GFPT2: variants seen among roughly 807,000 people sequenced by gnomAD.
GFPT2 encodes the protein glutamine--fructose-6-phosphate aminotransferase [isomerizing] 2.
A neutral mutation model predicts 85.6 loss-of-function variants in GFPT2; 62 were observed. The observed-to-expected ratio is 0.72, with a 90% CI of 0.59 to 0.90. The LOEUF is 0.90. Among genes scored for constraint, GFPT2 ranks in the 40% least tolerant of loss-of-function variants. GFPT2 has a pLI of 0.00. For missense variants in GFPT2, 788 were observed against 893.4 expected, an observed-to-expected ratio of 0.88 and a Z score of 1.50; for synonymous variants, 368 against 344.5, an observed-to-expected ratio of 1.07 and a Z score of -0.75.
chr5:180,328,600 G>T lies in GFPT2; in HGVS notation c.535-262C>A, dbSNP rs573556000. On this transcript the variant is annotated intron_variant, in intron 6 of 18. Coordinates refer to ENST00000253778, the MANE Select transcript of GFPT2 (RefSeq NM_005110.4). This position sits in a 1 kb window ranked among gnomAD's most constrained non-coding sequence, Gnocchi z 5.4. ...GCTTGCCCAGGCCCACAGGGAGCCC[G>T]GCAGGGGTGCCAGCTGGGTAGACGG... Among the ~76,000 whole-genome samples, 1 of 152,230 alleles carries T rather than the reference G, an allele frequency of 6.6e-6. No individual in the cohort carries two copies. The highest frequency in any genetic ancestry group is 2.4e-5 in the African/African-American group (1 of 41,460).
rs1763671063 is a variant in GFPT2 at position 180,301,504 on chromosome 5, C to T, written c.*60G>A. The T allele has an allele frequency of 2.2e-6, 3 of 1,344,236 alleles. No individual in the cohort carries two copies. Among genetic ancestry groups the T allele is most frequent in the Non-Finnish European group, 3.2e-6 (3 of 933,362 alleles). 83.3% of individuals were successfully genotyped at this position (1,344,236 alleles called of 1,614,324 possible). A position where few individuals can be genotyped will look rare whatever the true frequency, so the allele number is the denominator to read the frequency against. ...CTTCTCTTCCCATGTAGCATCCCTGCTGTTGGGACAGGTCTGGAATCAGAT... is the reference window on the plus strand; with the variant it reads ...CTTCTCTTCCCATGTAGCATCCCTGTTGTTGGGACAGGTCTGGAATCAGAT... On this transcript the variant is annotated 3_prime_UTR_variant, in exon 19 of 19. Coordinates refer to ENST00000253778, the MANE Select transcript of GFPT2 (RefSeq NM_005110.4).
At chr5:180,340,057 T>C (rs796607005) in intron 1 of GFPT2, among the ~76,000 whole-genome samples, 4 of 152,344 alleles carry the variant, frequency 2.6e-5, no homozygotes, top group African/African-American at 7.2e-5. Flanking sequence ...ATTCTCACAG[T>C]TCTGGAGGCC....
rs1409995216 is a variant in GFPT2, at chr5:180,301,364, C to A, written c.*200G>T. ...GTGTAAACAATGATTCCCTTCTCCT[C>A]TGGCGACTTCAGGACACAGAGAAAC... On this transcript the variant is annotated 3_prime_UTR_variant, in exon 19 of 19. Transcript: ENST00000253778. 1 of 610,048 alleles carries A rather than the reference C, an allele frequency of 1.6e-6. No individual in the cohort carries two copies. Among genetic ancestry groups the A allele is most frequent in the Non-Finnish European group, 2.9e-6 (1 of 339,274 alleles). The allele number at this position is 610,048 out of a possible 1,614,324, so 37.8% of individuals were successfully genotyped here. A position where few individuals can be genotyped will look rare whatever the true frequency, so the allele number is the denominator to read the frequency against.
intron 1 of GFPT2, chr5:180,352,829 C>A (rs1471273191): frequency 3.8e-5 from 13 of 345,430 alleles, no homozygotes; most frequent in Non-Finnish European, 5.3e-6. Flanking sequence ...TGCGCGTGGC[C>A]GCCTTTGTGG....
At chr5:180,303,478 A>G (rs2892152) in intron 17 of GFPT2, among the ~76,000 whole-genome samples, 26,764 of 152,212 alleles carry the variant, frequency 0.18, 2,962 homozygotes, top group Non-Finnish European at 0.25. Flanking sequence ...GCAGAAGGAA[A>G]GCTGGAGTGC....
At chr5:180,322,892 C>T (rs1158304570) in intron 9 of GFPT2, among the ~76,000 whole-genome samples, 9 of 151,928 alleles carry the variant, frequency 5.9e-5, no homozygotes, top group African/African-American at 1.2e-4. Flanking sequence ...AAAAATTAGC[C>T]GGGCGTGGTG....
chr5:180,332,882 T>G (rs548632625), intron 4 of GFPT2, among the ~76,000 whole-genome samples: 4 of 152,230 alleles, frequency 2.6e-5, no homozygotes, highest in Admixed American at 2.0e-4. Flanking sequence ...CCAACTCAAG[T>G]TTTCCTTCAG....
chr5:180,312,938 G>A (rs543393130), intron 14 of GFPT2, among the ~76,000 whole-genome samples: 1 of 151,796 alleles, frequency 6.6e-6, no homozygotes, highest in Non-Finnish European at 1.5e-5. Flanking sequence ...CACCACACCC[G>A]ACTAATTTTT....
At position 180,302,554 on chromosome 5, in the gene GFPT2, C is replaced by T. The variant is rs1210992964; in HGVS notation, c.1873G>A (p.Asp625Asn). ...GRPIILCSKD[D>N]TESSKFAYKT... ...TACGCAAACTTGGAACTTTCAGTAT[C>T]GTCCTTGGAGCACAGTATAATGGGG... The change falls in exon 18 of 19, where the codon GAT (aspartate) becomes AAT (asparagine). Residue 625 changes from aspartate to asparagine, a missense_variant. Transcript: ENST00000253778. 3.7e-6 allele frequency: 6 copies of T among 1,613,752 alleles called. No homozygotes were observed. The highest frequency in any genetic ancestry group is 4.5e-5 in the East Asian group (2 of 44,876).
intron 9 of GFPT2, among the ~76,000 whole-genome samples, chr5:180,320,694 G>C (rs1764101189): frequency 6.6e-6 from 1 of 152,188 alleles, no homozygotes; most frequent in African/African-American, 2.4e-5. Context: ...TTGAACCCAG[G>C]AGGCGGAGGC....
At chr5:180,311,933 A>C (rs1422442147) in intron 15 of GFPT2, among the ~76,000 whole-genome samples, 1 of 150,420 alleles carries the variant, frequency 6.6e-6, no homozygotes, top group Admixed American at 6.7e-5. Context: ...GCGGTGAGAA[A>C]GCACTGAGCA....
At chr5:180,316,061 G>A (rs1764000116) in intron 13 of GFPT2, among the ~76,000 whole-genome samples, 1 of 152,210 alleles carries the variant, frequency 6.6e-6, no homozygotes. Context: ...TCTTGGATAG[G>A]CAAGAAGAGG....
At chr5:180,338,405 G>C in intron 2 of GFPT2, 88 bp downstream of exon 2, 1 of 548,522 alleles carries the variant, frequency 1.8e-6, no homozygotes, top group African/African-American at 1.9e-5. Flanking sequence ...AAAATGCCCT[G>C]GTTGTAAACC....
intron 1 of GFPT2, among the ~76,000 whole-genome samples, chr5:180,352,221 C>A (rs1764723686): frequency 6.6e-6 from 1 of 151,694 alleles, no homozygotes; most frequent in Admixed American, 6.6e-5. Flanking sequence ...GGGCTCACCG[C>A]GGGCGCACCC....
At chr5:180,352,939 G>A in intron 1 of GFPT2, 1 of 426,548 alleles carries the variant, frequency 2.3e-6, no homozygotes, top group South Asian at 4.9e-5. Flanking sequence ...CCTCCCCTCC[G>A]TGGGGACCGG....
intron 15 of GFPT2, among the ~76,000 whole-genome samples, chr5:180,312,115 CA>C (rs1200866332): frequency 3.9e-5 from 4 of 102,114 alleles, no homozygotes; most frequent in African/African-American, 3.9e-5. Flanking sequence ...ACCAGGGAGG[CA>C]GGGAGGCGGG....
intron 7 of GFPT2, among the ~76,000 whole-genome samples, chr5:180,325,433 G>C (rs150838464): frequency 6.6e-6 from 1 of 152,190 alleles, no homozygotes; most frequent in South Asian, 2.1e-4. Context: ...GTGACATAAG[G>C]TGATTTCTTG....
intron 1 of GFPT2, among the ~76,000 whole-genome samples, chr5:180,349,332 T>C (rs796165093): frequency 2.4e-4 from 37 of 152,220 alleles, no homozygotes; most frequent in African/African-American, 8.7e-4. Context: ...AATACCTAAA[T>C]AGTTTAATTG....
At chr5:180,331,621 T>C (rs1764302683) in intron 4 of GFPT2, 68 bp from the exon 5 acceptor site, 1 of 939,554 alleles carries the variant, frequency 1.1e-6, no homozygotes, top group Middle Eastern at 2.1e-4. Context: ...AGAGAGATGA[T>C]TTCAAGGCTT....
Sources: gnomAD v4.1 joint callset for allele counts (sites outside exome capture counted in the v4.1 genomes callset) on GRCh38, gnomAD v4.1.1 for gene constraint, Gnocchi (gnomAD v3.1) non-coding constraint, MANE v1.5 for transcripts, NCBI Gene and HGNC (gene_info 2026-07-23, HGNC 2026-07-21) for gene names.